CLASP1: variants seen among roughly 807,000 people sequenced by gnomAD.
CLASP1 encodes the protein CLIP-associating protein 1.
CLASP1 carries 38 observed loss-of-function variants against 192.3 expected under a neutral mutation model. That is an observed-to-expected ratio of 0.20 (90% CI 0.15 to 0.26). The LOEUF is 0.26. CLASP1 is among the 10% of genes least tolerant of loss of function. The pLI is 1.00. For missense variants in CLASP1, 1,433 were observed against 1,932.5 expected, an observed-to-expected ratio of 0.74 and a Z score of 4.85; for synonymous variants, 691 against 712.8, an observed-to-expected ratio of 0.97 and a Z score of 0.49.
chr2:121,378,834 A>G (rs1342524231), intron 33 of CLASP1, among the ~76,000 whole-genome samples: 1 of 152,204 alleles, frequency 6.6e-6, no homozygotes, highest in Non-Finnish European at 1.5e-5. Context: ...GTTCTTCAAA[A>G]GAGTAGTAAC....
intron 7 of CLASP1, among the ~76,000 whole-genome samples, chr2:121,505,515 C>G (rs1159285233): frequency 6.6e-6 from 1 of 152,184 alleles, no homozygotes; most frequent in Admixed American, 6.5e-5. Flanking sequence ...CTAACACCAA[C>G]AAAGCATCCT....
intron 8 of CLASP1, among the ~76,000 whole-genome samples, chr2:121,490,943 AGCATG>A (rs1281684098): frequency 1.3e-5 from 2 of 152,364 alleles, no homozygotes; most frequent in African/African-American, 4.8e-5. Context: ...TTAAAGGATA[AGCATG>A]GATAATAATG....
At chr2:121,365,469 A>G (rs1213491031) in intron 35 of CLASP1, among the ~76,000 whole-genome samples, 185 bp from the exon 37 acceptor site, 2 of 151,934 alleles carry the variant, frequency 1.3e-5, no homozygotes, top group Admixed American at 6.6e-5. Flanking sequence ...CCCTCCACCA[A>G]CCTTCTCACC....
chr2:121,576,877 T>C lies in CLASP1; in HGVS notation c.195+28824A>G, dbSNP rs550100372. Among the ~76,000 whole-genome samples, 199 of 152,136 alleles carry C rather than the reference T, an allele frequency of 1.3e-3. 2 individuals are homozygous for C. The highest frequency in any genetic ancestry group is 1.7e-3 in the Non-Finnish European group (118 of 68,002). On this transcript the variant is annotated intron_variant, in intron 2 of 39. Transcript: ENST00000263710. ...TAGAAGAATCACAGCTAATAAATAA[T>C]AGAACTGAAGGAAATGACAGAATTA...
intron 2 of CLASP1, among the ~76,000 whole-genome samples, chr2:121,531,543 C>T (rs1176855642): frequency 1.4e-5 from 2 of 143,446 alleles, no homozygotes; most frequent in African/African-American, 2.7e-5. Flanking sequence ...CTGCAGTGAG[C>T]AGAGATCGCG....
intron 1 of CLASP1, among the ~76,000 whole-genome samples, chr2:121,645,181 A>G (rs1254990574): frequency 6.6e-6 from 1 of 152,146 alleles, no homozygotes; most frequent in Non-Finnish European, 1.5e-5. Context: ...TCAATTCAAG[A>G]GAGAGTTTAA....
At chr2:121,586,672 T>C (rs543037749) in intron 2 of CLASP1, among the ~76,000 whole-genome samples, 1 of 151,508 alleles carries the variant, frequency 6.6e-6, no homozygotes, top group African/African-American at 2.4e-5. Context: ...CTGTCCTGAG[T>C]GTGCATGAAT....
At chr2:121,435,677 CT>C (rs2082178265) in intron 19 of CLASP1, among the ~76,000 whole-genome samples, 2 of 152,288 alleles carry the variant, frequency 1.3e-5, no homozygotes, top group East Asian at 3.9e-4. Context: ...AGATGCTTTA[CT>C]ATCTTTAAAT....
chr2:121,575,757 G>A (rs910031338), intron 2 of CLASP1, among the ~76,000 whole-genome samples: 1 of 152,226 alleles, frequency 6.6e-6, no homozygotes, highest in Non-Finnish European at 1.5e-5. Context: ...AGGAGAGGCA[G>A]AAAGGAGGAG....
At chr2:121,388,071 A>T in intron 30 of CLASP1, 165 bp from the exon 32 acceptor site, 1 of 544,846 alleles carries the variant, frequency 1.8e-6, no homozygotes. Flanking sequence ...AATCACAAGC[A>T]GTCTGACTTC....
intron 6 of CLASP1, among the ~76,000 whole-genome samples, chr2:121,523,276 T>C (rs980565736): frequency 3.3e-5 from 5 of 152,256 alleles, no homozygotes; most frequent in Non-Finnish European, 7.3e-5. Flanking sequence ...CTTAAACAAC[T>C]GAATCTACAT....
rs187410582 is a variant in CLASP1, at chr2:121,468,864, C to T, written c.865+944G>A. The stretch of plus-strand genomic sequence containing the variant: ...CCTACTTCTGTCATTTCAGCCATCT[C>T]AGTCTCAGCCTAGTTCTGAGCCCTT... On this transcript the variant is annotated intron_variant, in intron 9 of 39. Transcript: ENST00000263710. Among the ~76,000 whole-genome samples the T allele has an allele frequency of 2.1e-3, 317 of 152,300 alleles. 1 individual carries two copies. The highest frequency in any genetic ancestry group is 6.1e-3 in the African/African-American group (254 of 41,558).
chr2:121,366,160 C>T (rs1179983963), intron 35 of CLASP1, among the ~76,000 whole-genome samples: 2 of 152,144 alleles, frequency 1.3e-5, no homozygotes, highest in African/African-American at 4.8e-5. Flanking sequence ...TTTCTTTAAG[C>T]CTTTTAGTAC....
chr2:121,565,863 G>C (rs1559627982), intron 2 of CLASP1, among the ~76,000 whole-genome samples: 1 of 152,192 alleles, frequency 6.6e-6, no homozygotes, highest in African/African-American at 2.4e-5. Context: ...TTCCCTGTTT[G>C]CATCAGTTTG....
intron 34 of CLASP1, 89 bp downstream of exon 35, chr2:121,377,410 G>T: frequency 1.1e-6 from 1 of 887,102 alleles, no homozygotes; most frequent in Non-Finnish European, 1.7e-6. Flanking sequence ...TAATGATGAA[G>T]CTCAGTAATC....
intron 2 of CLASP1, chr2:121,602,941 A>G (rs2063962050): frequency 2.0e-5 from 3 of 152,214 alleles, no homozygotes; most frequent in Admixed American, 6.5e-5. Flanking sequence ...AAGAAACAAA[A>G]CCAAAAATGA....
intron 8 of CLASP1, among the ~76,000 whole-genome samples, chr2:121,478,647 C>CA (rs2091974007): frequency 3.9e-5 from 4 of 102,024 alleles, no homozygotes; most frequent in East Asian, 5.8e-4. Flanking sequence ...ACACACACCC[C>CA]CCACACACAC....
chr2:121,383,052 T>C (rs146896327), intron 32 of CLASP1, among the ~76,000 whole-genome samples: 240 of 152,340 alleles, frequency 1.6e-3, no homozygotes, highest in African/African-American at 5.5e-3. Flanking sequence ...CTTCCCTTCA[T>C]AAATGTCACT....
intron 37 of CLASP1, among the ~76,000 whole-genome samples, chr2:121,355,204 A>G (rs749356627): frequency 2.1e-4 from 32 of 152,122 alleles, no homozygotes; most frequent in Non-Finnish European, 3.8e-4. Context: ...GCTGGAGTGC[A>G]GTGGCGCCAT....
Sources: allele counts gnomAD v4.1 joint callset (sites outside exome capture counted in the v4.1 genomes callset), GRCh38; gene constraint gnomAD v4.1.1; transcripts MANE v1.5; gene names NCBI Gene and HGNC (gene_info 2026-07-23, HGNC 2026-07-21).